Variants in JAKMIP1 observed in about 807,000 individuals in gnomAD.
JAKMIP1 encodes janus kinase and microtubule-interacting protein 1.
Under a neutral mutation model 113.0 loss-of-function variants are expected in JAKMIP1, and 33 were observed. The ratio of observed to expected loss-of-function variants is 0.29; its 90% CI spans 0.22 to 0.39. The LOEUF (loss-of-function observed/expected upper bound fraction) is 0.39. Ranked by LOEUF, JAKMIP1 falls within the 10% of genes least tolerant of loss-of-function variation. The probability of loss-of-function intolerance (pLI) is 1.00; values close to 1 mark genes in which losing one functional copy is unlikely to be tolerated. For synonymous variants in JAKMIP1, 480 were observed against 459.9 expected (o/e 1.04, Z -0.56); for missense variants, 813 against 1,080.5 (o/e 0.75, Z 3.47).
Position 6,064,802 on chromosome 4 carries a change from T to TTGCAACTATCAAA in JAKMIP1, c.1431+65_1431+77dup. 8 of 1,592,818 alleles carry TTGCAACTATCAAA rather than the reference T, an allele frequency of 5.0e-6. No homozygotes were observed. The South Asian group carries it at 7.8e-5, about 15-fold the overall frequency. On this transcript the variant is annotated intron_variant, in intron 9 of 20. Coordinates refer to ENST00000409021, the MANE Select transcript of JAKMIP1 (RefSeq NM_001099433.2). The surrounding 1 kb of genome is among the most constrained non-coding windows in gnomAD (Gnocchi z 4.3). ...AGAACTATAGGCAAGGGAGCGAAAC[T>TTGCAACTATCAAA]TGCAACTATCAAAAGCAGGAGGTGC...
At chr4:6,039,955 G>T (rs1714099506) in intron 18 of JAKMIP1, among the ~76,000 whole-genome samples, 1 of 152,106 alleles carries the variant, frequency 6.6e-6, no homozygotes, top group African/African-American at 2.4e-5. Flanking sequence ...GCAGAGATTT[G>T]CTCAAGACTC....
intron 16 of JAKMIP1, among the ~76,000 whole-genome samples, chr4:6,046,697 C>T (rs1218709638): frequency 6.6e-6 from 1 of 152,208 alleles, no homozygotes; most frequent in African/African-American, 2.4e-5. Flanking sequence ...ACCTCCTCAG[C>T]TGTCCTAGAG....
intron 20 of JAKMIP1, among the ~76,000 whole-genome samples, chr4:6,027,613 A>G (rs1712036638): frequency 6.6e-6 from 1 of 152,202 alleles, no homozygotes; most frequent in South Asian, 2.1e-4. Flanking sequence ...AGGCCTCGTC[A>G]GGCATCCATC....
intron 8 of JAKMIP1, among the ~76,000 whole-genome samples, chr4:6,070,565 G>A (rs1036252783): frequency 2.0e-5 from 3 of 152,240 alleles, no homozygotes; most frequent in African/African-American, 7.2e-5. Context: ...TGAGCCGAGA[G>A]CCTGTTGTCA....
intron 1 of JAKMIP1, among the ~76,000 whole-genome samples, chr4:6,127,026 C>T (rs1717777564): frequency 6.6e-6 from 1 of 152,168 alleles, no homozygotes; most frequent in Non-Finnish European, 1.5e-5. Flanking sequence ...ATGCCACACA[C>T]ACACACAGAA....
Position 6,192,976 on chromosome 4 carries a change from A to G in JAKMIP1, c.-148+7277T>C, listed in dbSNP as rs1308376029. On this transcript the variant is annotated intron_variant, in intron 1 of 20. Coordinates refer to ENST00000409021, the MANE Select transcript of JAKMIP1 (RefSeq NM_001099433.2). The surrounding 1 kb of genome is among the most constrained non-coding windows in gnomAD (Gnocchi z 5.0). ...GTGTGTCTGTGAGGGTGTTCCCAAA[A>G]GAGATTAACAATTGAGTCAGTGGAC... Among the ~76,000 whole-genome samples the G allele has an allele frequency of 2.0e-5, 3 of 152,170 alleles. No individual in the cohort carries two copies. Among genetic ancestry groups the G allele is most frequent in the Non-Finnish European group, 4.4e-5 (3 of 68,016 alleles).
rs1455235784 is a variant in JAKMIP1 at position 6,080,986 on chromosome 4, C to CACAG, written c.1101+622_1101+623insCTGT. Among the ~76,000 whole-genome samples, 2 of 150,966 alleles carry CACAG rather than the reference C, an allele frequency of 1.3e-5. No individual in the cohort carries two copies. Among genetic ancestry groups the CACAG allele is most frequent in the Non-Finnish European group, 3.0e-5 (2 of 67,674 alleles). ...AGAGGACTTCACACAACAGCAATTA[C>CACAG]ACACACACACACACACACACACACA... On this transcript the variant is annotated intron_variant, in intron 6 of 20. Coordinates refer to ENST00000409021, the MANE Select transcript of JAKMIP1 (RefSeq NM_001099433.2). This position sits in a 1 kb window ranked among gnomAD's most constrained non-coding sequence, Gnocchi z 6.0.
At chr4:6,047,486 G>T (rs1361120920) in intron 16 of JAKMIP1, among the ~76,000 whole-genome samples, 1 of 152,186 alleles carries the variant, frequency 6.6e-6, no homozygotes, top group African/African-American at 2.4e-5. Context: ...CCACCAGCCG[G>T]CCAGGTGTGA....
chr4:6,068,655 T>C (rs1718514450), intron 8 of JAKMIP1, among the ~76,000 whole-genome samples: 1 of 151,774 alleles, frequency 6.6e-6, no homozygotes, highest in Non-Finnish European at 1.5e-5. Flanking sequence ...TCTCCCAAGT[T>C]CAAGCGATTC....
Position 6,097,625 on chromosome 4 carries a change from G to A in JAKMIP1, c.624+7848C>T, listed in dbSNP as rs781101397. On this transcript the variant is annotated intron_variant, in intron 3 of 20. Coordinates refer to ENST00000409021, the MANE Select transcript of JAKMIP1 (RefSeq NM_001099433.2). The surrounding 1 kb of genome is among the most constrained non-coding windows in gnomAD (Gnocchi z 4.3). ...GGAGCATTTGGGACTTTGGATTAGG[G>A]ATGCTCAACCTATTTCTATACCACC... 6.6e-6 allele frequency among the ~76,000 whole-genome samples: 1 copy of A among 152,184 alleles called. No individual in the cohort carries two copies. Among genetic ancestry groups the A allele is most frequent in the Non-Finnish European group, 1.5e-5 (1 of 68,042 alleles).
At chr4:6,103,765 G>A (rs766168776) in intron 3 of JAKMIP1, among the ~76,000 whole-genome samples, 3 of 152,100 alleles carry the variant, frequency 2.0e-5, no homozygotes, top group Non-Finnish European at 4.4e-5. Context: ...TCATTTTATC[G>A]AGGTTTCAAG....
rs1394809712 is a variant in JAKMIP1 at position 6,140,854 on chromosome 4, G to T, written c.-147-27857C>A. Among the ~76,000 whole-genome samples the T allele has an allele frequency of 6.6e-6, 1 of 152,174 alleles. No homozygotes were observed. Among genetic ancestry groups the T allele is most frequent in the East Asian group, 1.9e-4 (1 of 5,188 alleles). ...TCAGGTCAGCCACAGGCACTGGTTG[G>T]AGCTCATCTGTCCTCAGCACAGTGC... On this transcript the variant is annotated intron_variant, in intron 1 of 20. Transcript: ENST00000409021. This position sits in a 1 kb window ranked among gnomAD's most constrained non-coding sequence, Gnocchi z 9.4.
chr4:6,121,428 C>T (rs909423312), intron 1 of JAKMIP1, among the ~76,000 whole-genome samples: 4 of 152,158 alleles, frequency 2.6e-5, no homozygotes, highest in Non-Finnish European at 5.9e-5. Flanking sequence ...CTTCAACTTC[C>T]CTCTCACCTT....
intron 1 of JAKMIP1, among the ~76,000 whole-genome samples, chr4:6,120,921 C>G (rs931312025): frequency 1.3e-5 from 2 of 152,182 alleles, no homozygotes; most frequent in South Asian, 4.2e-4. Flanking sequence ...TGGCAGCAGG[C>G]CGGGCACAGT....
At position 6,040,889 on chromosome 4, in the gene JAKMIP1, A is replaced by G. The variant is rs1714220463; in HGVS notation, c.2098-173T>C. On this transcript the variant is annotated intron_variant, in intron 17 of 20. Transcript: ENST00000409021. This position sits in a 1 kb window ranked among gnomAD's most constrained non-coding sequence, Gnocchi z 5.8. The stretch of plus-strand genomic sequence containing the variant: ...ACATGAATCACCCAGCAGGAGCCTC[A>G]CTGACCTGGGGCACCCTTGACAGCC... 6.6e-6 allele frequency among the ~76,000 whole-genome samples: 1 copy of G among 152,134 alleles called. No individual in the cohort carries two copies. The highest frequency in any genetic ancestry group is 2.4e-5 in the African/African-American group (1 of 41,442).
At chr4:6,126,578 G>A (rs116206033) in intron 1 of JAKMIP1, among the ~76,000 whole-genome samples, 2,666 of 101,566 alleles carry the variant, frequency 0.026, 37 homozygotes, top group Non-Finnish European at 0.038. Flanking sequence ...ACACTCACAC[G>A]CACACACACC....
chr4:6,133,136 C>A (rs1718749618), intron 1 of JAKMIP1, among the ~76,000 whole-genome samples: 1 of 151,786 alleles, frequency 6.6e-6, no homozygotes, highest in Non-Finnish European at 1.5e-5. Context: ...AACAGAACAC[C>A]AAAAAAACCT....
Position 6,065,027 on chromosome 4 carries a change from A to G in JAKMIP1, c.1303-19T>C, listed in dbSNP as rs1376531056. The G allele has an allele frequency of 1.9e-6, 3 of 1,614,042 alleles. No individual in the cohort carries two copies. Among genetic ancestry groups the G allele is most frequent in the East Asian group, 2.2e-5 (1 of 44,872 alleles). Reference sequence around the variant, plus strand: ...CATGCTTCTGTAAAACGCAATTTGTATGATGTTAGCAACGACTGAGGATTG... The same window carrying G: ...CATGCTTCTGTAAAACGCAATTTGTGTGATGTTAGCAACGACTGAGGATTG... On this transcript the variant is annotated intron_variant, in intron 8 of 20. Transcript: ENST00000409021. The surrounding 1 kb of genome is among the most constrained non-coding windows in gnomAD (Gnocchi z 5.1).
At chr4:6,122,699 G>A (rs373082864) in intron 1 of JAKMIP1, among the ~76,000 whole-genome samples, 6 of 152,332 alleles carry the variant, frequency 3.9e-5, no homozygotes, top group African/African-American at 1.4e-4. Context: ...TGTTTCGTCA[G>A]CTGCAAAGCT....
Sources: gnomAD v4.1 joint callset for allele counts (sites outside exome capture counted in the v4.1 genomes callset) on GRCh38, gnomAD v4.1.1 for gene constraint, Gnocchi (gnomAD v3.1) non-coding constraint, MANE v1.5 for transcripts, NCBI Gene and HGNC (gene_info 2026-07-23, HGNC 2026-07-21) for gene names.